Variants in GALM observed in about 807,000 individuals in gnomAD.
GALM encodes the protein aldose 1-epimerase.
A neutral mutation model predicts 37.4 loss-of-function variants in GALM; 43 were observed. The ratio of observed to expected loss-of-function variants is 1.15; its 90% CI spans 0.90 to 1.48. The LOEUF (loss-of-function observed/expected upper bound fraction) is 1.48. Ranked by LOEUF, GALM falls within the 40% of genes most tolerant of loss-of-function variation. GALM has a pLI of 0.00. For missense variants in GALM, 456 were observed against 419.1 expected, an observed-to-expected ratio of 1.09 and a Z score of -0.77; for synonymous variants, 199 against 170.6, an observed-to-expected ratio of 1.17 and a Z score of -1.30.
At chr2:38,691,243 G>C (rs898449810) in intron 4 of GALM, among the ~76,000 whole-genome samples, 12 of 152,182 alleles carry the variant, frequency 7.9e-5, no homozygotes, top group Admixed American at 6.5e-5. Flanking sequence ...ATGCTATCCG[G>C]TTGAGTTGAT....
intron 4 of GALM, among the ~76,000 whole-genome samples, chr2:38,715,905 C>T (rs1197919805): frequency 6.6e-6 from 1 of 152,184 alleles, no homozygotes; most frequent in Non-Finnish European, 1.5e-5. Context: ...GTCTCGTTAT[C>T]CCCATTTTAC....
At chr2:38,708,714 G>A (rs1476297598) in intron 4 of GALM, among the ~76,000 whole-genome samples, 1 of 145,732 alleles carries the variant, frequency 6.9e-6, no homozygotes, top group Admixed American at 6.9e-5. Flanking sequence ...GGGTGATAGA[G>A]CGAGACTCTG....
rs750761637 is a variant in GALM at position 38,689,868 on chromosome 2, C to T, written c.608C>T (p.Pro203Leu). ...ACCATAGAAGCGGATACTTATTTGC[C>T]TGTGGATGAAACCCTGATTCCTACA... ...EVTIEADTYL[P>L]VDETLIPTGE... The change falls in exon 4 of 7, where the codon CCT (proline) becomes CTT (leucine). Residue 203 changes from proline to leucine, a missense_variant. Pro to Leu is a moderately conservative substitution (Grantham distance 98). Transcript: ENST00000272252. 1 of 1,610,602 alleles carries T rather than the reference C, an allele frequency of 6.2e-7. No individual in the cohort carries two copies. The highest frequency in any genetic ancestry group is 1.1e-5 in the South Asian group (1 of 90,858).
At chr2:38,675,778 C>G (rs1039306894) in intron 1 of GALM, 134 bp from the exon 2 acceptor site, 2 of 778,276 alleles carry the variant, frequency 2.6e-6, no homozygotes, top group Non-Finnish European at 2.2e-6. Flanking sequence ...ACCGTGTTAG[C>G]CAGGATGGTC....
intron 4 of GALM, 111 bp downstream of exon 4, chr2:38,690,005 G>T: frequency 1.6e-6 from 1 of 628,106 alleles, no homozygotes. Context: ...CTACAGTTTA[G>T]TTAATAGAAT....
intron 4 of GALM, among the ~76,000 whole-genome samples, chr2:38,727,987 A>G (rs7603676): frequency 0.54 from 81,532 of 152,058 alleles, 22,420 homozygotes; most frequent in East Asian, 0.81. Flanking sequence ...AGTTCCTAAA[A>G]TTGCCATTTG....
chr2:38,681,129 C>CAA (rs59249528), intron 2 of GALM, 151 bp from the exon 3 acceptor site: 499 of 603,946 alleles, frequency 8.3e-4, no homozygotes, highest in Non-Finnish European at 1.1e-3. Context: ...GACCCTGTCT[C>CAA]AAAAAAAAAA....
chr2:38,724,524 T>C (rs1997377), intron 4 of GALM, among the ~76,000 whole-genome samples: 93,675 of 152,016 alleles, frequency 0.62, 29,575 homozygotes, highest in East Asian at 0.81. Flanking sequence ...ATGGCGAATC[T>C]GGGGGACAAA....
chr2:38,702,197 A>G (rs1486289420), intron 4 of GALM, among the ~76,000 whole-genome samples: 4 of 152,100 alleles, frequency 2.6e-5, no homozygotes, highest in Non-Finnish European at 5.9e-5. Flanking sequence ...GAAAAAAAAA[A>G]ATCTTAAGAT....
At chr2:38,697,442 TG>T (rs1665834659) in intron 4 of GALM, among the ~76,000 whole-genome samples, 2 of 152,210 alleles carry the variant, frequency 1.3e-5, no homozygotes, top group Non-Finnish European at 2.9e-5. Context: ...TATACTTATA[TG>T]TTTTTCAACT....
chr2:38,688,143 CAG>C (rs1178925799), intron 3 of GALM, among the ~76,000 whole-genome samples: 1 of 151,500 alleles, frequency 6.6e-6, no homozygotes, highest in Non-Finnish European at 1.5e-5. Flanking sequence ...ACCTGGGAGG[CAG>C]AGACTGCAGT....
intron 4 of GALM, among the ~76,000 whole-genome samples, chr2:38,692,190 A>G (rs1027827365): frequency 1.4e-4 from 22 of 152,188 alleles, no homozygotes; most frequent in African/African-American, 5.1e-4. Flanking sequence ...AGTCAGACCT[A>G]CATGTTATAC....
chr2:38,680,008 C>G, intron 2 of GALM: 1 of 453,264 alleles, frequency 2.2e-6, no homozygotes. Context: ...AGCAAAATGC[C>G]TTTTATTTAT....
Position 38,666,224 on chromosome 2 carries a change from G to A in GALM, c.63G>A (p.Lys21=). 1.2e-6 allele frequency: 2 copies of A among 1,614,126 alleles called. No homozygotes were observed. The highest frequency in any genetic ancestry group is 1.7e-6 in the Non-Finnish European group (2 of 1,179,992). Residue 21 remains lysine, a synonymous_variant, in exon 1 of 7, where the codon AAG becomes AAA. Coordinates refer to ENST00000272252, the MANE Select transcript of GALM (RefSeq NM_138801.3). ...CCTCGGGAGGAGGGACAGTGGAGAA[G>A]TTCCAGCTGCAGTCAGACCTCTTGA... ...ELPSGGGTVE[K]FQLQSDLLRV...
intron 4 of GALM, among the ~76,000 whole-genome samples, chr2:38,712,307 C>T (rs765607456): frequency 9.2e-5 from 14 of 152,146 alleles, no homozygotes; most frequent in Non-Finnish European, 1.8e-4. Flanking sequence ...TCACTGAAGC[C>T]CTGATGGTGC....
intron 6 of GALM, 42 bp downstream of exon 6, chr2:38,731,951 A>T: frequency 2.7e-6 from 4 of 1,506,776 alleles, no homozygotes; most frequent in Non-Finnish European, 3.7e-6. Flanking sequence ...GTTGTGTCCA[A>T]GGTCACACTG....
chr2:38,691,333 A>G (rs1461821433), intron 4 of GALM, among the ~76,000 whole-genome samples: 2 of 152,236 alleles, frequency 1.3e-5, no homozygotes, highest in African/African-American at 2.4e-5. Context: ...ATTGTAAAAA[A>G]TCATTGTGGC....
intron 4 of GALM, among the ~76,000 whole-genome samples, chr2:38,718,273 C>T (rs1307716849): frequency 1.3e-5 from 2 of 151,024 alleles, no homozygotes; most frequent in Non-Finnish European, 2.9e-5. Context: ...AATCTCGGCC[C>T]ACTGCAACCT....
intron 1 of GALM, among the ~76,000 whole-genome samples, chr2:38,675,438 A>G (rs1178120206): frequency 6.6e-6 from 1 of 151,656 alleles, no homozygotes; most frequent in Non-Finnish European, 1.5e-5. Flanking sequence ...GGACTTTGAC[A>G]TGCCCAAGAT....
Sources: allele counts gnomAD v4.1 joint callset (sites outside exome capture counted in the v4.1 genomes callset), GRCh38; gene constraint gnomAD v4.1.1; transcripts MANE v1.5; gene names NCBI Gene and HGNC (gene_info 2026-07-23, HGNC 2026-07-21).